VTI1A: variants seen among roughly 807,000 people sequenced by gnomAD.
VTI1A encodes the protein vesicle transport through interaction with t-SNAREs 1A.
In VTI1A, 22 loss-of-function variants were observed where a neutral mutation model predicts 34.9. The observed-to-expected ratio is 0.63, with a 90% CI of 0.45 to 0.90. The LOEUF (loss-of-function observed/expected upper bound fraction) is 0.90. Ranked by LOEUF, VTI1A falls within the 40% of genes least tolerant of loss-of-function variation. The probability of loss-of-function intolerance (pLI) is 0.00; values close to 1 mark genes in which losing one functional copy is unlikely to be tolerated. For missense variants in VTI1A, 268 were observed against 275.6 expected, an observed-to-expected ratio of 0.97 and a Z score of 0.20; for synonymous variants, 87 against 97.3, an observed-to-expected ratio of 0.89 and a Z score of 0.62.
the VTI1A span, among the ~76,000 whole-genome samples, chr10:112,849,151 A>G: frequency 3.3e-5 from 5 of 152,214 alleles, no homozygotes; most frequent in African/African-American, 4.8e-5. Context: ...TATCAACACT[A>G]TGTGAGTTTT....
chr10:112,447,027 G>GCATC, upstream of VTI1A: 2 of 280,716 alleles, frequency 7.1e-6, no homozygotes, highest in Non-Finnish European at 1.4e-5. Context: ...ATCCGGAGCC[G>GCATC]ATTCCCAGAA....
intron 3 of VTI1A, among the ~76,000 whole-genome samples, chr10:112,468,295 A>G (rs1847967791): frequency 6.6e-6 from 1 of 152,162 alleles, no homozygotes. Context: ...ATTTGAATAG[A>G]GTGTAGAAAA....
chr10:112,499,654 GTTC>G (rs1458264577), intron 3 of VTI1A, among the ~76,000 whole-genome samples: 1 of 152,098 alleles, frequency 6.6e-6, no homozygotes, highest in Non-Finnish European at 1.5e-5. Context: ...TCCAAAACCT[GTTC>G]TTCTTCCTGC....
chr10:112,746,075 A>G (rs745349149), intron 7 of VTI1A, among the ~76,000 whole-genome samples: 3 of 152,192 alleles, frequency 2.0e-5, no homozygotes, highest in Non-Finnish European at 4.4e-5. Flanking sequence ...ATGGACATCT[A>G]AGTCTCAAAA....
At chr10:112,733,478 C>T (rs1215787375) in intron 7 of VTI1A, among the ~76,000 whole-genome samples, 1 of 152,126 alleles carries the variant, frequency 6.6e-6, no homozygotes, top group Non-Finnish European at 1.5e-5. Context: ...TTGTGACTGG[C>T]TTCTTTCATT....
At chr10:112,546,138 T>G (rs1333893094) in intron 5 of VTI1A, among the ~76,000 whole-genome samples, 1 of 151,372 alleles carries the variant, frequency 6.6e-6, no homozygotes, top group Non-Finnish European at 1.5e-5. Context: ...TGCATATATA[T>G]GTGTGTGCGT....
intron 7 of VTI1A, among the ~76,000 whole-genome samples, chr10:112,714,903 ATG>A: frequency 6.6e-6 from 1 of 152,354 alleles, no homozygotes; most frequent in African/African-American, 2.4e-5. Flanking sequence ...ATCTTCCATG[ATG>A]TGCACCGTGT....
intron 7 of VTI1A, among the ~76,000 whole-genome samples, chr10:112,772,966 A>C (rs2134024577): frequency 6.6e-6 from 1 of 152,332 alleles, no homozygotes; most frequent in Middle Eastern, 3.4e-3. Flanking sequence ...TCTAGCCTGC[A>C]AGCCATAGAG....
At chr10:112,495,268 G>A (rs1848975245) in intron 3 of VTI1A, among the ~76,000 whole-genome samples, 1 of 136,544 alleles carries the variant, frequency 7.3e-6, no homozygotes, top group Non-Finnish European at 1.5e-5. Flanking sequence ...AAGCTTTCAA[G>A]CATATAGAAA....
At chr10:112,782,892 T>TCAG (rs1196165162) in intron 7 of VTI1A, among the ~76,000 whole-genome samples, 1 of 152,146 alleles carries the variant, frequency 6.6e-6, no homozygotes, top group African/African-American at 2.4e-5. Context: ...ATTTTGTGAT[T>TCAG]CAGTGATTAT....
chr10:112,849,513 T>C, the VTI1A span, among the ~76,000 whole-genome samples: 1 of 152,232 alleles, frequency 6.6e-6, no homozygotes, highest in Non-Finnish European at 1.5e-5. Flanking sequence ...ACTCCTGGTC[T>C]AGGGCTGGTC....
intron 5 of VTI1A, among the ~76,000 whole-genome samples, chr10:112,650,836 T>C (rs548510024): frequency 6.6e-6 from 1 of 152,350 alleles, no homozygotes; most frequent in African/African-American, 2.4e-5. Context: ...AAAAGTACTG[T>C]TACTATTTCC....
chr10:112,660,969 T>G (rs1244333033), intron 5 of VTI1A, among the ~76,000 whole-genome samples: 2 of 152,218 alleles, frequency 1.3e-5, no homozygotes, highest in Non-Finnish European at 2.9e-5. Context: ...AGAAATGTTT[T>G]TATTTTTATT....
rs143461064 is a variant in VTI1A, at chr10:112,657,587, A to G, written c.428-10631A>G. On this transcript the variant is annotated intron_variant, in intron 5 of 7. Coordinates refer to ENST00000393077, the MANE Select transcript of VTI1A (RefSeq NM_145206.4). ...CCTTGCCATCCCCTACCTCACACATATATAATATACAAAAATTAAATCAAA... is the reference window on the plus strand; with the variant it reads ...CCTTGCCATCCCCTACCTCACACATGTATAATATACAAAAATTAAATCAAA... Among the ~76,000 whole-genome samples the G allele has an allele frequency of 7.1e-4, 108 of 152,242 alleles. 4 individuals carry two copies. In the South Asian group the frequency reaches 0.021, roughly 29 times the overall value.
intron 5 of VTI1A, among the ~76,000 whole-genome samples, chr10:112,655,418 C>T (rs2133810103): frequency 6.6e-6 from 1 of 152,136 alleles, no homozygotes; most frequent in East Asian, 1.9e-4. Context: ...TAGAGAAATG[C>T]TTTAACAATC....
chr10:112,761,518 A>G (rs532934327), intron 7 of VTI1A, among the ~76,000 whole-genome samples: 1 of 152,352 alleles, frequency 6.6e-6, no homozygotes, highest in African/African-American at 2.4e-5. Flanking sequence ...TTCCTTAAAC[A>G]TAACAATTAT....
At chr10:112,658,422 C>T (rs1847316934) in intron 5 of VTI1A, among the ~76,000 whole-genome samples, 1 of 152,056 alleles carries the variant, frequency 6.6e-6, no homozygotes, top group Admixed American at 6.6e-5. Context: ...CACATTTGTT[C>T]TAAAAATCTT....
intron 7 of VTI1A, among the ~76,000 whole-genome samples, chr10:112,808,992 A>G (rs1329345825): frequency 6.6e-6 from 1 of 152,198 alleles, no homozygotes; most frequent in Non-Finnish European, 1.5e-5. Context: ...TGGCAGACCA[A>G]TCCTTGAGCA....
chr10:112,462,271 A>G (rs1026590467), intron 2 of VTI1A, among the ~76,000 whole-genome samples: 1 of 152,228 alleles, frequency 6.6e-6, no homozygotes, highest in Non-Finnish European at 1.5e-5. Context: ...ACATCTTGCA[A>G]TGATCTTTTC....
Sources: gnomAD v4.1 joint callset for allele counts (sites outside exome capture counted in the v4.1 genomes callset) on GRCh38, gnomAD v4.1.1 for gene constraint, MANE v1.5 for transcripts, NCBI Gene and HGNC (gene_info 2026-07-23, HGNC 2026-07-21) for gene names.